The following DUS2 variants were observed in gnomAD, a reference collection of about 807,000 sequenced individuals.
The protein encoded by DUS2 is tRNA-dihydrouridine(20) synthase [NAD(P)+]-like.
DUS2 carries 52 observed loss-of-function variants against 71.3 expected under a neutral mutation model. That is an observed-to-expected ratio of 0.73 (90% CI 0.58 to 0.92). The LOEUF is 0.92. Among genes scored for constraint, DUS2 ranks in the 40% least tolerant of loss-of-function variants. The probability of loss-of-function intolerance (pLI) is 0.00; values close to 1 mark genes in which losing one functional copy is unlikely to be tolerated. For synonymous variants in DUS2, 204 were observed against 227.8 expected (o/e 0.90, Z 0.94); for missense variants, 558 against 622.6 (o/e 0.90, Z 1.10).
chr16:68,043,401 C>A (rs568405748), intron 3 of DUS2, among the ~76,000 whole-genome samples: 2 of 150,184 alleles, frequency 1.3e-5, no homozygotes, highest in East Asian at 4.0e-4. Context: ...AGCAAGACTC[C>A]GTCTCAGGGA....
In DUS2 at chr16:68,024,950, G is replaced by A. The variant is rs138963349; in HGVS notation, c.-98-465G>A. On this transcript the variant is annotated intron_variant, in intron 1 of 16. Transcript: ENST00000565263. ...GGGTTCAAGGGATTCTCCTGCATCA[G>A]CCATCTGAGTAGCTGGGATTAGAGG... Among the ~76,000 whole-genome samples the A allele has an allele frequency of 5.0e-3, 764 of 151,600 alleles. 25 individuals carry two copies. The highest frequency in any genetic ancestry group is 0.043 in the Admixed American group (655 of 15,140).
At chr16:68,070,799 A>G in intron 11 of DUS2, 141 bp from the exon 12 acceptor site, 1 of 780,194 alleles carries the variant, frequency 1.3e-6, no homozygotes, top group Non-Finnish European at 2.1e-6. Context: ...TCTAATATCC[A>G]CTTTACTGAA....
intron 3 of DUS2, among the ~76,000 whole-genome samples, chr16:68,047,992 A>G (rs913748030): frequency 6.6e-6 from 1 of 152,138 alleles, no homozygotes; most frequent in South Asian, 2.1e-4. Context: ...TTTGTTGCCC[A>G]GGCTGGTCTT....
At chr16:68,038,938 C>G (rs1041975761) in intron 3 of DUS2, among the ~76,000 whole-genome samples, 1 of 145,636 alleles carries the variant, frequency 6.9e-6, no homozygotes, top group Non-Finnish European at 1.5e-5. Context: ...GTGGCTCACA[C>G]CTGTAATCCC....
intron 6 of DUS2, 121 bp downstream of exon 6, chr16:68,054,738 TC>T: frequency 8.0e-7 from 1 of 1,252,334 alleles, no homozygotes; most frequent in Non-Finnish European, 1.2e-6. Flanking sequence ...ACCTTCTGTT[TC>T]CAGGTTAAGA....
intron 10 of DUS2, among the ~76,000 whole-genome samples, chr16:68,069,499 A>C: frequency 6.6e-6 from 1 of 152,222 alleles, no homozygotes; most frequent in East Asian, 1.9e-4. Context: ...AGCTCAGGTC[A>C]GGCCTCACGT....
intron 10 of DUS2, 147 bp downstream of exon 10, chr16:68,066,783 G>A: frequency 1.3e-6 from 1 of 786,360 alleles, no homozygotes; most frequent in Non-Finnish European, 2.1e-6. Context: ...TATCTTATGA[G>A]TCTGGAGGGC....
intron 3 of DUS2, among the ~76,000 whole-genome samples, chr16:68,042,950 T>G (rs1467947817): frequency 6.6e-6 from 1 of 152,034 alleles, no homozygotes; most frequent in Non-Finnish European, 1.5e-5. Flanking sequence ...TCAGATGATC[T>G]GCCCGCCTCA....
intron 8 of DUS2, among the ~76,000 whole-genome samples, chr16:68,061,530 A>C (rs926766974): frequency 1.3e-5 from 2 of 152,044 alleles, no homozygotes; most frequent in Non-Finnish European, 2.9e-5. Flanking sequence ...TGATGAGAGG[A>C]GCAGTGGGTC....
In DUS2 at chr16:68,054,566, GTTCCCAGGGGAC is replaced by G. The variant is rs760557105; in HGVS notation, c.265-4_272del. On this transcript the variant is annotated splice_acceptor_variant and splice_polypyrimidine_tract_variant and coding_sequence_variant and intron_variant, in exon 6 of 17. Transcript: ENST00000565263. LOFTEE classifies it high-confidence loss of function. Reference sequence around the variant, plus strand: ...GGCAGTGGTTGATGCAGCCTCTTGTGTTCCCAGGGGACTTCAGACGCAGAGCGAGCCCTTGCT... The same window carrying G: ...GGCAGTGGTTGATGCAGCCTCTTGTGTTCAGACGCAGAGCGAGCCCTTGCT... 3.7e-6 allele frequency: 6 copies of G among 1,614,100 alleles called. No homozygotes were observed. The highest frequency in any genetic ancestry group is 5.1e-6 in the Non-Finnish European group (6 of 1,180,010).
intron 6 of DUS2, among the ~76,000 whole-genome samples, chr16:68,055,022 A>T (rs2033832056): frequency 1.3e-5 from 2 of 150,686 alleles, no homozygotes; most frequent in Admixed American, 1.3e-4. Context: ...CAGCCTGGTG[A>T]CCAAGCGAGA....
At chr16:68,034,908 G>A (rs1022819753) in intron 2 of DUS2, among the ~76,000 whole-genome samples, 20 of 152,116 alleles carry the variant, frequency 1.3e-4, no homozygotes, top group African/African-American at 4.1e-4. Flanking sequence ...GGCTGAGGCA[G>A]AAGAATTGCT....
intron 3 of DUS2, among the ~76,000 whole-genome samples, chr16:68,047,499 C>T (rs551294581): frequency 5.3e-5 from 8 of 150,734 alleles, no homozygotes; most frequent in East Asian, 2.0e-4. Flanking sequence ...TGTTTTTTCC[C>T]GAGATGGAGT....
chr16:68,078,638 C>G, intron 16 of DUS2, 111 bp from the exon 17 acceptor site: 1 of 1,482,364 alleles, frequency 6.7e-7, no homozygotes. Flanking sequence ...CAGTGGCATC[C>G]CTGGATGGTG....
intron 2 of DUS2, chr16:68,027,038 A>G (rs1219876704): frequency 6.6e-6 from 1 of 152,144 alleles, no homozygotes; most frequent in Non-Finnish European, 1.5e-5. Flanking sequence ...CACTCAAGTG[A>G]TGGCTCCATG....
chr16:68,078,700 T>C, intron 16 of DUS2, 49 bp from the exon 17 acceptor site: 1 of 1,565,356 alleles, frequency 6.4e-7, no homozygotes, highest in Non-Finnish European at 8.7e-7. Context: ...GAGTCAGGCC[T>C]CATAGCCCTG....
chr16:68,075,050 G>A (rs2034138214), intron 13 of DUS2, among the ~76,000 whole-genome samples: 1 of 152,204 alleles, frequency 6.6e-6, no homozygotes, highest in African/African-American at 2.4e-5. Flanking sequence ...ACGGCTGGCT[G>A]GGGATACCAT....
chr16:68,071,193 G>T (rs2034082110), intron 12 of DUS2, 85 bp downstream of exon 12: 5 of 1,459,940 alleles, frequency 3.4e-6, no homozygotes, highest in African/African-American at 2.8e-5. Flanking sequence ...GCCCCCAGCT[G>T]CCAGCTGTGC....
intron 7 of DUS2, among the ~76,000 whole-genome samples, chr16:68,057,353 G>A (rs2033875036): frequency 6.7e-6 from 1 of 148,552 alleles, no homozygotes; most frequent in Non-Finnish European, 1.5e-5. Context: ...GTCTTTTCAT[G>A]AATAAGACTG....
Sources: allele counts gnomAD v4.1 joint callset (sites outside exome capture counted in the v4.1 genomes callset), GRCh38; gene constraint gnomAD v4.1.1; transcripts MANE v1.5; gene names NCBI Gene and HGNC (gene_info 2026-07-23, HGNC 2026-07-21).